The following VSTM5 variants were observed in gnomAD, a reference collection of about 807,000 sequenced individuals.
VSTM5 encodes the protein V-set and transmembrane domain-containing protein 5.
A neutral mutation model predicts 20.3 loss-of-function variants in VSTM5; 21 were observed. That is an observed-to-expected ratio of 1.03 (90% confidence interval 0.73 to 1.49). The LOEUF (loss-of-function observed/expected upper bound fraction) is 1.49. Among genes scored for constraint, VSTM5 ranks in the 40% most tolerant of loss-of-function variants. The pLI is 0.00. For missense variants in VSTM5, 219 were observed against 250.0 expected, an observed-to-expected ratio of 0.88 and a Z score of 0.84; for synonymous variants, 100 against 102.5, an observed-to-expected ratio of 0.98 and a Z score of 0.14.
In VSTM5 at chr11:93,818,966, C is replaced by T. The variant is rs777063337; in HGVS notation, c.*1603G>A. 2 of 152,184 alleles carry T rather than the reference C, an allele frequency of 1.3e-5. No homozygotes were observed. Among genetic ancestry groups the T allele is most frequent in the African/African-American group, 2.4e-5 (1 of 41,440 alleles). 9.4% of individuals were successfully genotyped at this position (152,184 alleles called of 1,614,324 possible). ...GCTACACATCCGTTGTGTAGACCAA[C>T]TGCTGTCGCCTTTTGAATCAAGCAG... On this transcript the variant is annotated 3_prime_UTR_variant, in exon 4 of 4. Coordinates refer to ENST00000409977, the MANE Select transcript of VSTM5 (RefSeq NM_001144871.2).
chr11:93,822,325 C>T (rs1944194201), intron 1 of VSTM5, among the ~76,000 whole-genome samples: 1 of 151,762 alleles, frequency 6.6e-6, no homozygotes, highest in African/African-American at 2.4e-5. Context: ...TCATCATCTG[C>T]CTGCCTCGGA....
intron 1 of VSTM5, among the ~76,000 whole-genome samples, chr11:93,844,395 T>A (rs1263900616): frequency 6.6e-6 from 1 of 152,092 alleles, no homozygotes; most frequent in East Asian, 1.9e-4. Context: ...CCGTGCCTAG[T>A]GCTGAAGGAC....
At chr11:93,834,248 C>G (rs1255026056) in intron 1 of VSTM5, among the ~76,000 whole-genome samples, 1 of 152,160 alleles carries the variant, frequency 6.6e-6, no homozygotes, top group Non-Finnish European at 1.5e-5. Context: ...GGGCCCCATC[C>G]TGCCAGACAA....
chr11:93,825,257 T>A (rs909168088), intron 1 of VSTM5, among the ~76,000 whole-genome samples: 1 of 151,714 alleles, frequency 6.6e-6, no homozygotes, highest in African/African-American at 2.4e-5. Context: ...ATCCTTGACC[T>A]CCCTGGGGTT....
At chr11:93,825,063 G>A (rs572726427) in intron 1 of VSTM5, among the ~76,000 whole-genome samples, 35 of 152,278 alleles carry the variant, frequency 2.3e-4, no homozygotes, top group Admixed American at 8.5e-4. Context: ...ATTTACTATA[G>A]CTTTGTAATT....
intron 1 of VSTM5, among the ~76,000 whole-genome samples, chr11:93,828,386 A>C (rs1416809333): frequency 1.3e-5 from 2 of 152,310 alleles, no homozygotes; most frequent in South Asian, 2.1e-4. Context: ...GAAACCACCT[A>C]CCGAGCAATG....
intron 1 of VSTM5, among the ~76,000 whole-genome samples, chr11:93,828,734 A>G (rs1944257541): frequency 6.6e-6 from 1 of 152,222 alleles, no homozygotes; most frequent in Admixed American, 6.5e-5. Context: ...GCAGCTGAGA[A>G]CCAGAAACTA....
At chr11:93,842,029 GATAAT>G (rs1476845654) in intron 1 of VSTM5, among the ~76,000 whole-genome samples, 1 of 152,178 alleles carries the variant, frequency 6.6e-6, no homozygotes, top group African/African-American at 2.4e-5. Context: ...AGGAAATAAG[GATAAT>G]ATAATAGTGC....
chr11:93,836,562 C>T (rs770254818), intron 1 of VSTM5, among the ~76,000 whole-genome samples: 1 of 152,218 alleles, frequency 6.6e-6, no homozygotes, highest in African/African-American at 2.4e-5. Context: ...CCTGCTCCCT[C>T]GTTTGCCTGT....
In VSTM5 at chr11:93,836,140, A is replaced by G. The variant is rs544773697; in HGVS notation, c.91+14272T>C. Among the ~76,000 whole-genome samples the G allele has an allele frequency of 2.0e-3, 311 of 152,214 alleles. 5 individuals are homozygous for G. Among genetic ancestry groups the G allele is most frequent in the Non-Finnish European group, 3.1e-4 (21 of 68,008 alleles). ...CAGGGTCCTGTCAATTTTACCTCCA[A>G]CATGTAACTTGAATCTGATTTGTGT... On this transcript the variant is annotated intron_variant, in intron 1 of 3. Coordinates refer to ENST00000409977, the MANE Select transcript of VSTM5 (RefSeq NM_001144871.2).
intron 1 of VSTM5, among the ~76,000 whole-genome samples, chr11:93,847,607 C>T (rs1944424623): frequency 1.3e-5 from 2 of 152,246 alleles, no homozygotes; most frequent in Admixed American, 6.5e-5. Flanking sequence ...AACTATCCTA[C>T]TATAGTCTTG....
At chr11:93,846,236 T>G (rs536454926) in intron 1 of VSTM5, among the ~76,000 whole-genome samples, 1 of 106,734 alleles carries the variant, frequency 9.4e-6, no homozygotes, top group South Asian at 3.0e-4. Flanking sequence ...GAGTCTTACA[T>G]CAGATAAGGG....
At chr11:93,846,799 A>C (rs1944415478) in intron 1 of VSTM5, among the ~76,000 whole-genome samples, 1 of 139,290 alleles carries the variant, frequency 7.2e-6, no homozygotes, top group African/African-American at 2.7e-5. Flanking sequence ...ATGGAGTCTC[A>C]CTCTGTCACC....
chr11:93,838,796 TA>T (rs1944345770), intron 1 of VSTM5, among the ~76,000 whole-genome samples: 1 of 151,778 alleles, frequency 6.6e-6, no homozygotes. Context: ...AGACCCTGTC[TA>T]AAAAAAATAA....
At chr11:93,841,833 G>A (rs189212785) in intron 1 of VSTM5, among the ~76,000 whole-genome samples, 1 of 152,298 alleles carries the variant, frequency 6.6e-6, no homozygotes, top group Admixed American at 6.5e-5. Context: ...ACAGAACCAG[G>A]GTCAATGGAT....
At position 93,842,854 on chromosome 11, in the gene VSTM5, C is replaced by T. The variant is rs550350714; in HGVS notation, c.91+7558G>A. Among the ~76,000 whole-genome samples the T allele has an allele frequency of 2.6e-5, 4 of 152,310 alleles. No homozygotes were observed. In the East Asian group the frequency reaches 7.7e-4, roughly 29 times the overall value. The stretch of plus-strand genomic sequence containing the variant: ...CAGCGGCTCATGCCTGTAATCCCAG[C>T]ACTTTGGGAGGCCAAGGCAGGTGGA... On this transcript the variant is annotated intron_variant, in intron 1 of 3. Coordinates refer to ENST00000409977, the MANE Select transcript of VSTM5 (RefSeq NM_001144871.2).
chr11:93,820,498 AGCTGTGCTT>A lies in VSTM5; in HGVS notation c.*62_*70del. 1 of 1,514,776 alleles carries A rather than the reference AGCTGTGCTT, an allele frequency of 6.6e-7. No individual in the cohort carries two copies. The highest frequency in any genetic ancestry group is 9.0e-7 in the Non-Finnish European group (1 of 1,115,334). 93.8% of individuals were successfully genotyped at this position (1,514,776 alleles called of 1,614,324 possible). A position where few individuals can be genotyped will look rare whatever the true frequency, so the allele number is the denominator to read the frequency against. ...CAGGACCACACACAATGGGTATAAT[AGCTGTGCTT>A]GCTCTTTTTGTTGGAGAATGGTTTC... On this transcript the variant is annotated 3_prime_UTR_variant, in exon 4 of 4. Transcript: ENST00000409977.
In VSTM5 at chr11:93,845,120, C is replaced by T. The variant is rs191349858; in HGVS notation, c.91+5292G>A. ...AATGGTCTAGTCTAGTGCAGTAGTT[C>T]TCTGGCCACACATTGGAACCACTGA... On this transcript the variant is annotated intron_variant, in intron 1 of 3. Transcript: ENST00000409977. Among the ~76,000 whole-genome samples, 124 of 152,324 alleles carry T rather than the reference C, an allele frequency of 8.1e-4. 3 individuals carry two copies. The highest frequency in any genetic ancestry group is 2.9e-3 in the African/African-American group (119 of 41,574).
chr11:93,827,211 C>G (rs1234551541), intron 1 of VSTM5, among the ~76,000 whole-genome samples: 1 of 152,020 alleles, frequency 6.6e-6, no homozygotes, highest in African/African-American at 2.4e-5. Context: ...TGGAGAAACC[C>G]CATCTCTACT....
Sources: allele counts gnomAD v4.1 joint callset (sites outside exome capture counted in the v4.1 genomes callset), GRCh38; gene constraint gnomAD v4.1.1; transcripts MANE v1.5; gene names NCBI Gene and HGNC (gene_info 2026-07-23, HGNC 2026-07-21).